TANC2: variants seen among roughly 807,000 people sequenced by gnomAD.
TANC2 encodes the protein protein TANC2.
In TANC2, 26 loss-of-function variants were observed where a neutral mutation model predicts 210.5. That is an observed-to-expected ratio of 0.12 (90% CI 0.09 to 0.17). The LOEUF (loss-of-function observed/expected upper bound fraction) is 0.17, where lower values mean the gene tolerates loss of function less well. TANC2 is among the 10% of genes least tolerant of loss of function. The pLI is 1.00. For missense variants in TANC2, 2,129 were observed against 2,608.9 expected, an observed-to-expected ratio of 0.82 and a Z score of 4.01; for synonymous variants, 931 against 967.1, an observed-to-expected ratio of 0.96 and a Z score of 0.69.
At chr17:63,079,835 T>C (rs928025095) in intron 3 of TANC2, among the ~76,000 whole-genome samples, 1 of 152,196 alleles carries the variant, frequency 6.6e-6, no homozygotes, top group Non-Finnish European at 1.5e-5. Context: ...GTCTCTCTGG[T>C]ACAGTGGATT....
chr17:63,302,478 T>C (rs2044749827), intron 9 of TANC2, among the ~76,000 whole-genome samples: 1 of 152,132 alleles, frequency 6.6e-6, no homozygotes, highest in Non-Finnish European at 1.5e-5. Context: ...GGTGCACATA[T>C]ATTTAGGATA....
At chr17:63,373,286 T>C (rs1030092061) in intron 14 of TANC2, among the ~76,000 whole-genome samples, 2 of 152,200 alleles carry the variant, frequency 1.3e-5, no homozygotes, top group African/African-American at 4.8e-5. Context: ...TCTACCTTAT[T>C]TCTTACCTAC....
intron 8 of TANC2, among the ~76,000 whole-genome samples, chr17:63,251,570 A>G (rs2043054211): frequency 6.6e-6 from 1 of 152,162 alleles, no homozygotes; most frequent in African/African-American, 2.4e-5. Context: ...AGGGACAATG[A>G]TTAATAAGAA....
chr17:63,020,477 A>T (rs1220902888), intron 2 of TANC2, among the ~76,000 whole-genome samples: 1 of 151,810 alleles, frequency 6.6e-6, no homozygotes, highest in Non-Finnish European at 1.5e-5. Context: ...CTAATTTAAA[A>T]TTTTTTTTAT....
chr17:63,270,998 C>T (rs1056802666), intron 9 of TANC2, among the ~76,000 whole-genome samples: 4 of 152,154 alleles, frequency 2.6e-5, no homozygotes, highest in African/African-American at 9.7e-5. Context: ...GACATGATCT[C>T]GTTCTTTTTT....
intron 7 of TANC2, among the ~76,000 whole-genome samples, chr17:63,205,738 G>A (rs899240335): frequency 6.6e-6 from 1 of 151,888 alleles, no homozygotes; most frequent in African/African-American, 2.4e-5. Flanking sequence ...CCAACATAGC[G>A]AGACCCCCAT....
At chr17:63,128,026 A>G (rs1015879195) in intron 4 of TANC2, among the ~76,000 whole-genome samples, 11 of 152,208 alleles carry the variant, frequency 7.2e-5, no homozygotes, top group Admixed American at 1.3e-4. Context: ...AGTTAAGTTA[A>G]TGCCCATTGT....
intron 21 of TANC2, among the ~76,000 whole-genome samples, chr17:63,410,616 G>A (rs931364829): frequency 3.3e-5 from 5 of 151,982 alleles, no homozygotes; most frequent in African/African-American, 1.2e-4. Context: ...GAACTCTGGT[G>A]CAGTGAGGGC....
At position 62,970,238 on chromosome 17, in the gene TANC2, A is replaced by C. The variant is rs139346217; in HGVS notation, c.-24+3489A>C. On this transcript the variant is annotated intron_variant, in intron 1 of 27. Coordinates refer to ENST00000689528, the Ensembl canonical transcript of TANC2. ...TTTGTTGATATGGGAATTCAATATA[A>C]TCTACTGCTTATGGCTAAAACTTAT... Among the ~76,000 whole-genome samples, 91 of 152,312 alleles carry C rather than the reference A, an allele frequency of 6.0e-4. 2 individuals are homozygous for C. In the East Asian group the frequency reaches 0.016, roughly 27 times the overall value.
intron 9 of TANC2, among the ~76,000 whole-genome samples, chr17:63,297,606 T>A (rs1024989811): frequency 7.2e-5 from 11 of 152,160 alleles, no homozygotes; most frequent in African/African-American, 2.4e-4. Flanking sequence ...GTAAGACTCT[T>A]AGAAAAAGAG....
intron 2 of TANC2, among the ~76,000 whole-genome samples, chr17:63,067,212 A>G (rs1367012954): frequency 6.6e-6 from 1 of 152,256 alleles, no homozygotes; most frequent in East Asian, 1.9e-4. Context: ...TACATATGAA[A>G]TTGATACAGA....
chr17:63,086,842 G>A (rs553944148), intron 3 of TANC2, among the ~76,000 whole-genome samples: 59 of 147,816 alleles, frequency 4.0e-4, no homozygotes, highest in African/African-American at 1.4e-3. Flanking sequence ...ACCAATCAGC[G>A]CTCTGTAGCT....
In TANC2 at chr17:63,274,091, G is replaced by A. The variant is rs185726666; in HGVS notation, c.1159+6218G>A. On this transcript the variant is annotated intron_variant, in intron 9 of 27. Transcript: ENST00000689528. ...TACAGGCATAATTAATTTAACAGGT[G>A]CCTTAATAGTAACTGCAGTTGTTTG... Among the ~76,000 whole-genome samples the A allele has an allele frequency of 7.2e-5, 11 of 152,274 alleles. No individual in the cohort carries two copies. In the East Asian group the frequency reaches 2.1e-3, roughly 29 times the overall value.
chr17:63,138,913 C>T (rs938118187), intron 4 of TANC2, among the ~76,000 whole-genome samples: 1 of 152,238 alleles, frequency 6.6e-6, no homozygotes, highest in Non-Finnish European at 1.5e-5. Context: ...ACAGATTACA[C>T]GTGTGTACCA....
At chr17:63,379,666 C>A in intron 14 of TANC2, 52 bp from the exon 15 acceptor site, 1 of 1,409,562 alleles carries the variant, frequency 7.1e-7, no homozygotes. Flanking sequence ...GAGACTCCAT[C>A]TCAATAAATA....
chr17:63,025,223 A>T (rs967672423), intron 2 of TANC2, among the ~76,000 whole-genome samples: 1 of 152,112 alleles, frequency 6.6e-6, no homozygotes, highest in Non-Finnish European at 1.5e-5. Flanking sequence ...GCTGTAGAAC[A>T]TTGGTCTCAA....
intron 9 of TANC2, among the ~76,000 whole-genome samples, chr17:63,272,183 G>C (rs984709523): frequency 3.3e-5 from 5 of 152,164 alleles, no homozygotes; most frequent in Admixed American, 6.5e-5. Flanking sequence ...TGGCTAGCCA[G>C]TTATCCCAGC....
In TANC2 at chr17:63,283,547, CAGAT is replaced by C. The variant is rs530052213; in HGVS notation, c.1159+15675_1159+15678del. Among the ~76,000 whole-genome samples, 4 of 151,324 alleles carry C rather than the reference CAGAT, an allele frequency of 2.6e-5. No individual in the cohort carries two copies. In the South Asian group the frequency reaches 8.3e-4, roughly 32 times the overall value. On this transcript the variant is annotated intron_variant, in intron 9 of 27. Transcript: ENST00000689528. ...ATGGATGGATGGACAGACGTACAGA[CAGAT>C]CAATTTGAGGGGGGAAGATAGATAA...
At chr17:63,424,750 TGTGA>T (rs560858328) in exon 28 of TANC2, 8 of 152,200 alleles carry the variant, frequency 5.3e-5, no homozygotes, top group Non-Finnish European at 8.8e-5. Context: ...GATATTTAAG[TGTGA>T]GTAATGTCTT....
Sources: gnomAD v4.1 joint callset for allele counts (sites outside exome capture counted in the v4.1 genomes callset) on GRCh38, gnomAD v4.1.1 for gene constraint, MANE v1.5 for transcripts, NCBI Gene and HGNC (gene_info 2026-07-23, HGNC 2026-07-21) for gene names.